Variants in GRIN2A observed in about 807,000 individuals in gnomAD.
The protein encoded by GRIN2A is glutamate ionotropic receptor NMDA type subunit 2A.
In GRIN2A, 22 loss-of-function variants were observed where a neutral mutation model predicts 113.4. The ratio of observed to expected loss-of-function variants is 0.19; its 90% CI spans 0.14 to 0.28. The LOEUF (loss-of-function observed/expected upper bound fraction) is 0.28, where lower values mean the gene tolerates loss of function less well. Among genes scored for constraint, GRIN2A ranks in the 10% least tolerant of loss-of-function variants. The pLI is 1.00. For synonymous variants in GRIN2A, 827 were observed against 738.4 expected (o/e 1.12, Z -1.94); for missense variants, 1,502 against 1,887.0 (o/e 0.80, Z 3.78).
intron 4 of GRIN2A, among the ~76,000 whole-genome samples, chr16:9,858,318 T>A (rs1250305319): frequency 3.9e-5 from 6 of 152,202 alleles, no homozygotes; most frequent in Non-Finnish European, 2.9e-5. Context: ...GCACCATTCT[T>A]AGTGCTATTT....
chr16:10,090,044 A>G (rs928419943), intron 2 of GRIN2A, among the ~76,000 whole-genome samples: 4 of 152,198 alleles, frequency 2.6e-5, no homozygotes, highest in Non-Finnish European at 5.9e-5. Context: ...ACATTTATCC[A>G]TTTATTTTAC....
At position 9,755,237 on chromosome 16, in the gene GRIN2A, A is replaced by G. The variant is rs1378866648; in HGVS notation, c.*7912T>C. 1 of 186,636 alleles carries G rather than the reference A, an allele frequency of 5.4e-6. No homozygotes were observed. 11.6% of individuals were successfully genotyped at this position (186,636 alleles called of 1,614,324 possible). A position where few individuals can be genotyped will look rare whatever the true frequency, so the allele number is the denominator to read the frequency against. On this transcript the variant is annotated 3_prime_UTR_variant, in exon 13 of 13. Transcript: ENST00000330684. ...TTAATCTGAGGAATGACTTCATTTT[A>G]AGCAATTTAGTTCTGGTTCCCTGGA...
intron 2 of GRIN2A, among the ~76,000 whole-genome samples, chr16:9,948,388 C>T (rs1272935764): frequency 3.3e-5 from 5 of 152,124 alleles, no homozygotes; most frequent in Admixed American, 2.6e-4. Context: ...TCCCGAGTGG[C>T]ATCAGTTGCT....
intron 2 of GRIN2A, among the ~76,000 whole-genome samples, chr16:9,962,623 G>C (rs561375008): frequency 8.0e-4 from 122 of 152,088 alleles, no homozygotes; most frequent in African/African-American, 2.7e-3. Context: ...ACAGGTGCTG[G>C]AGAGGATGTG....
intron 2 of GRIN2A, among the ~76,000 whole-genome samples, chr16:10,159,694 G>A (rs1054912908): frequency 1.3e-5 from 2 of 151,954 alleles, no homozygotes; most frequent in African/African-American, 4.8e-5. Context: ...ACACTATAAA[G>A]GTATTATTTT....
chr16:10,140,014 G>C (rs955777805), intron 2 of GRIN2A, among the ~76,000 whole-genome samples: 1 of 152,086 alleles, frequency 6.6e-6, no homozygotes, highest in African/African-American at 2.4e-5. Context: ...CTATAGCCCT[G>C]CTGAACATTT....
intron 2 of GRIN2A, among the ~76,000 whole-genome samples, chr16:9,990,205 A>G (rs966877590): frequency 6.6e-6 from 1 of 152,210 alleles, no homozygotes; most frequent in African/African-American, 2.4e-5. Flanking sequence ...ACAGCCATAA[A>G]AAAGAGTGAA....
At chr16:10,026,915 T>C (rs1211487500) in intron 2 of GRIN2A, among the ~76,000 whole-genome samples, 1 of 152,180 alleles carries the variant, frequency 6.6e-6, no homozygotes, top group Non-Finnish European at 1.5e-5. Flanking sequence ...TTCTCTCCTA[T>C]TCCACCTGCC....
At chr16:10,033,496 G>C (rs1359833277) in intron 2 of GRIN2A, among the ~76,000 whole-genome samples, 1 of 152,184 alleles carries the variant, frequency 6.6e-6, no homozygotes, top group Non-Finnish European at 1.5e-5. Context: ...CTGAGAGTGA[G>C]GGGTTAGAAC....
intron 2 of GRIN2A, among the ~76,000 whole-genome samples, chr16:10,102,011 T>G (rs1478179069): frequency 2.0e-5 from 3 of 152,188 alleles, no homozygotes; most frequent in Admixed American, 1.3e-4. Context: ...TATGGAGCAA[T>G]GAGTATGTTT....
chr16:9,783,912 T>C (rs1043225251), intron 11 of GRIN2A, among the ~76,000 whole-genome samples: 1 of 151,944 alleles, frequency 6.6e-6, no homozygotes, highest in Admixed American at 6.5e-5. Flanking sequence ...AAGGGAGAGC[T>C]AAAGGATGAG....
At chr16:9,982,559 T>C (rs1420082922) in intron 2 of GRIN2A, among the ~76,000 whole-genome samples, 1 of 152,244 alleles carries the variant, frequency 6.6e-6, no homozygotes, top group East Asian at 1.9e-4. Flanking sequence ...CCATGTATGT[T>C]TTCAGAACAA....
At chr16:10,062,577 G>A (rs538109676) in intron 2 of GRIN2A, among the ~76,000 whole-genome samples, 37 of 152,252 alleles carry the variant, frequency 2.4e-4, no homozygotes, top group African/African-American at 8.9e-4. Flanking sequence ...TTAACACGCC[G>A]GGCACAGTGG....
chr16:10,140,291 C>T (rs1036707749), intron 2 of GRIN2A, among the ~76,000 whole-genome samples: 11 of 151,832 alleles, frequency 7.2e-5, no homozygotes, highest in African/African-American at 1.7e-4. Flanking sequence ...TATACCATGA[C>T]GATAAAAAGC....
intron 2 of GRIN2A, among the ~76,000 whole-genome samples, chr16:10,064,930 CA>C (rs1407618705): frequency 6.6e-6 from 1 of 152,206 alleles, no homozygotes; most frequent in Non-Finnish European, 1.5e-5. Flanking sequence ...CATGCCTCAT[CA>C]ATTGTTACAC....
At chr16:9,831,258 A>G (rs1435893865) in intron 8 of GRIN2A, among the ~76,000 whole-genome samples, 3 of 152,176 alleles carry the variant, frequency 2.0e-5, no homozygotes, top group Non-Finnish European at 4.4e-5. Flanking sequence ...TATTGCAAGG[A>G]TGGGCTGTGG....
intron 2 of GRIN2A, among the ~76,000 whole-genome samples, chr16:10,023,405 C>T (rs557350993): frequency 2.0e-5 from 3 of 152,116 alleles, no homozygotes; most frequent in East Asian, 1.9e-4. Context: ...AATGACCCTT[C>T]GAAGTGGGTA....
chr16:10,053,224 T>G (rs2047389245), intron 2 of GRIN2A, among the ~76,000 whole-genome samples: 1 of 152,110 alleles, frequency 6.6e-6, no homozygotes, highest in Admixed American at 6.5e-5. Context: ...GAAAATCAAA[T>G]GACTGAGACA....
At chr16:9,862,320 G>C (rs1403889648) in intron 4 of GRIN2A, among the ~76,000 whole-genome samples, 1 of 152,132 alleles carries the variant, frequency 6.6e-6, no homozygotes, top group Non-Finnish European at 1.5e-5. Context: ...TGGAGAAGTA[G>C]ATTTTTTTTC....
Sources: gnomAD v4.1 joint callset for allele counts (sites outside exome capture counted in the v4.1 genomes callset) on GRCh38, gnomAD v4.1.1 for gene constraint, MANE v1.5 for transcripts, NCBI Gene and HGNC (gene_info 2026-07-23, HGNC 2026-07-21) for gene names.